The following NKD1 variants were observed in gnomAD, a reference collection of about 807,000 sequenced individuals.
NKD1 encodes protein naked cuticle homolog 1.
In NKD1, 21 loss-of-function variants were observed where a neutral mutation model predicts 56.0. That is an observed-to-expected ratio of 0.38 (90% CI 0.27 to 0.54). The LOEUF (loss-of-function observed/expected upper bound fraction) is 0.54. NKD1 is among the 20% of genes least tolerant of loss of function. The pLI, the probability that NKD1 is intolerant of heterozygous loss-of-function variation, is 0.82. For synonymous variants in NKD1, 263 were observed against 265.7 expected (o/e 0.99, Z 0.10); for missense variants, 578 against 642.7 (o/e 0.90, Z 1.09).
intron 4 of NKD1, among the ~76,000 whole-genome samples, chr16:50,609,738 C>T (rs986820246): frequency 6.6e-6 from 1 of 152,174 alleles, no homozygotes; most frequent in African/African-American, 2.4e-5. Flanking sequence ...AAGATACTCA[C>T]TCCGTTGCCT....
At chr16:50,597,229 G>T (rs1264660809) in intron 3 of NKD1, among the ~76,000 whole-genome samples, 1 of 152,088 alleles carries the variant, frequency 6.6e-6, no homozygotes, top group Non-Finnish European at 1.5e-5. Context: ...ATGTGCGGAA[G>T]CCTCTGGGGT....
At chr16:50,585,655 C>T (rs555967355) in intron 3 of NKD1, among the ~76,000 whole-genome samples, 5 of 152,202 alleles carry the variant, frequency 3.3e-5, no homozygotes, top group Non-Finnish European at 7.3e-5. Context: ...AAGTCATTCC[C>T]GCCCCAGCCC....
intron 3 of NKD1, among the ~76,000 whole-genome samples, chr16:50,602,609 C>T (rs1005131452): frequency 2.6e-5 from 4 of 152,240 alleles, no homozygotes; most frequent in African/African-American, 9.6e-5. Flanking sequence ...CCCTCTGCCT[C>T]TGTCTGCCCT....
chr16:50,564,163 AG>A (rs1960707460), intron 3 of NKD1, among the ~76,000 whole-genome samples: 1 of 152,258 alleles, frequency 6.6e-6, no homozygotes, highest in East Asian at 1.9e-4. Flanking sequence ...AGGCTTGGTT[AG>A]CCCTGGCTGG....
rs1334242839 is a variant in NKD1, at chr16:50,638,285, A to C, written c.*4504A>C. ...AGGCTGTGAATGCTCTCTACCCACC[A>C]CCCTCACCTCCTCGTTAAAGATGGT... On this transcript the variant is annotated 3_prime_UTR_variant, in exon 10 of 10. Transcript: ENST00000268459. The C allele has an allele frequency of 6.6e-6, 1 of 151,784 alleles. No homozygotes were observed. Among genetic ancestry groups the C allele is most frequent in the Non-Finnish European group, 1.5e-5 (1 of 67,996 alleles). 9.4% of individuals were successfully genotyped at this position (151,784 alleles called of 1,614,324 possible).
intron 3 of NKD1, among the ~76,000 whole-genome samples, chr16:50,601,257 G>A (rs1820831439): frequency 6.6e-6 from 1 of 152,244 alleles, no homozygotes; most frequent in African/African-American, 2.4e-5. Context: ...GCTTTGAGGA[G>A]GCTGTGGATT....
intron 3 of NKD1, among the ~76,000 whole-genome samples, chr16:50,595,510 A>G (rs1056696026): frequency 1.3e-5 from 2 of 152,108 alleles, no homozygotes; most frequent in African/African-American, 4.8e-5. Context: ...CCTCTCTTCC[A>G]GATCCAGGAA....
At chr16:50,621,418 T>C (rs1194613014) in intron 4 of NKD1, among the ~76,000 whole-genome samples, 184 bp from the exon 5 acceptor site, 2 of 152,196 alleles carry the variant, frequency 1.3e-5, no homozygotes, top group African/African-American at 4.8e-5. Flanking sequence ...GGGGAAGGTC[T>C]TCCCAGGCAG....
chr16:50,570,227 T>C (rs1960851639), intron 3 of NKD1, among the ~76,000 whole-genome samples: 1 of 152,204 alleles, frequency 6.6e-6, no homozygotes, highest in Non-Finnish European at 1.5e-5. Context: ...TAAAATTACA[T>C]GTGTGGCTTG....
chr16:50,609,546 C>T (rs1961795736), intron 4 of NKD1, among the ~76,000 whole-genome samples: 1 of 152,156 alleles, frequency 6.6e-6, no homozygotes, highest in African/African-American at 2.4e-5. Context: ...GGAGAGCAGA[C>T]AGTTCTGGGA....
At chr16:50,603,002 G>A (rs1038289804) in intron 3 of NKD1, among the ~76,000 whole-genome samples, 1 of 152,220 alleles carries the variant, frequency 6.6e-6, no homozygotes, top group Non-Finnish European at 1.5e-5. Context: ...GCACTGGCTC[G>A]CCAGGCATTA....
Position 50,632,835 on chromosome 16 carries a change from C to T in NKD1, c.824-357C>T, listed in dbSNP as rs1962375948. 6.6e-6 allele frequency among the ~76,000 whole-genome samples: 1 copy of T among 152,192 alleles called. No individual in the cohort carries two copies. The highest frequency in any genetic ancestry group is 2.4e-5 in the African/African-American group (1 of 41,442). On this transcript the variant is annotated intron_variant, in intron 9 of 9. Coordinates refer to ENST00000268459, the MANE Select transcript of NKD1 (RefSeq NM_033119.5). This position sits in a 1 kb window ranked among gnomAD's most constrained non-coding sequence, Gnocchi z 4.1. ...CTCCCACAACTCCCTTCTCCCCTTTCTCTTCATATGTTTAATTCCTCTATG... is the reference window on the plus strand; with the variant it reads ...CTCCCACAACTCCCTTCTCCCCTTTTTCTTCATATGTTTAATTCCTCTATG...
intron 3 of NKD1, among the ~76,000 whole-genome samples, chr16:50,591,427 G>A (rs549548604): frequency 6.6e-6 from 1 of 152,302 alleles, no homozygotes; most frequent in Non-Finnish European, 1.5e-5. Flanking sequence ...TACTGAGGAC[G>A]GATCATTGGC....
Position 50,630,523 on chromosome 16 carries a change from G to A in NKD1, c.610+190G>A, listed in dbSNP as rs182532319. 2.0e-5 allele frequency among the ~76,000 whole-genome samples: 3 copies of A among 152,252 alleles called. No individual in the cohort carries two copies. In the East Asian group the frequency reaches 5.8e-4, roughly 29 times the overall value. On this transcript the variant is annotated intron_variant, in intron 7 of 9. Coordinates refer to ENST00000268459, the MANE Select transcript of NKD1 (RefSeq NM_033119.5). ...GAAGGGGAGGGAAGGGATTCTGGGT[G>A]AGAGGCCTCATATAGGCAGAGCCAT...
intron 3 of NKD1, among the ~76,000 whole-genome samples, chr16:50,565,671 A>G (rs78757394): frequency 0.015 from 2,336 of 152,360 alleles, 53 homozygotes; most frequent in African/African-American, 0.053. Flanking sequence ...CCTGAGCGAC[A>G]GAGCGAGACC....
At chr16:50,580,374 A>C (rs1961091732) in intron 3 of NKD1, among the ~76,000 whole-genome samples, 1 of 152,264 alleles carries the variant, frequency 6.6e-6, no homozygotes, top group African/African-American at 2.4e-5. Flanking sequence ...GCCTTAGCAA[A>C]GGCAAAGTCT....
intron 3 of NKD1, among the ~76,000 whole-genome samples, chr16:50,550,639 G>A (rs1367603784): frequency 2.0e-5 from 3 of 152,054 alleles, no homozygotes; most frequent in Non-Finnish European, 4.4e-5. Context: ...TCTTCTGTTG[G>A]CCGGGTCGGA....
intron 3 of NKD1, among the ~76,000 whole-genome samples, chr16:50,603,242 G>C (rs1961636305): frequency 6.6e-6 from 1 of 152,262 alleles, no homozygotes; most frequent in Admixed American, 6.5e-5. Context: ...TGGGCCCGGA[G>C]CCTGGGCGTC....
chr16:50,568,181 C>T (rs1021173323), intron 3 of NKD1, among the ~76,000 whole-genome samples: 6 of 152,166 alleles, frequency 3.9e-5, no homozygotes, highest in Non-Finnish European at 7.3e-5. Context: ...CCTGGGGGGC[C>T]CCTGAGCACC....
Sources: allele counts gnomAD v4.1 joint callset (sites outside exome capture counted in the v4.1 genomes callset), GRCh38; gene constraint gnomAD v4.1.1; non-coding constraint Gnocchi (gnomAD v3.1); transcripts MANE v1.5; gene names NCBI Gene and HGNC (gene_info 2026-07-23, HGNC 2026-07-21).